Variants in MNAT1 observed in about 807,000 individuals in gnomAD.
The protein encoded by MNAT1 is CDK-activating kinase assembly factor MAT1.
Under a neutral mutation model 42.0 loss-of-function variants are expected in MNAT1, and 43 were observed. The ratio of observed to expected loss-of-function variants is 1.02; its 90% CI spans 0.80 to 1.32. The LOEUF is 1.32. Among genes scored for constraint, MNAT1 ranks in the 40% most tolerant of loss-of-function variants. The pLI, the probability that MNAT1 is intolerant of heterozygous loss-of-function variation, is 0.00. For synonymous variants in MNAT1, 118 were observed against 120.0 expected (o/e 0.98, Z 0.11); for missense variants, 306 against 350.4 (o/e 0.87, Z 1.01).
intron 7 of MNAT1, among the ~76,000 whole-genome samples, chr14:60,952,271 G>T (rs2036397453): frequency 6.6e-6 from 1 of 152,164 alleles, no homozygotes; most frequent in Non-Finnish European, 1.5e-5. Flanking sequence ...GGCCTTGAAT[G>T]GTAGGCTAAG....
chr14:60,798,198 C>A, intron 3 of MNAT1, 38 bp downstream of exon 3: 1 of 1,089,210 alleles, frequency 9.2e-7, no homozygotes, highest in Non-Finnish European at 1.4e-6. Context: ...CCTATAAGAC[C>A]ATGTGCTTTT....
intron 1 of MNAT1, among the ~76,000 whole-genome samples, chr14:60,769,185 G>T (rs1265732787): frequency 6.6e-6 from 1 of 151,690 alleles, no homozygotes; most frequent in Non-Finnish European, 1.5e-5. Context: ...TCATAGATTG[G>T]CCAGATATTG....
intron 7 of MNAT1, among the ~76,000 whole-genome samples, chr14:60,898,320 A>G (rs1420455941): frequency 1.3e-5 from 2 of 151,928 alleles, no homozygotes; most frequent in South Asian, 2.1e-4. Flanking sequence ...ATATAGTTCT[A>G]TTTTAATTTT....
intron 1 of MNAT1, among the ~76,000 whole-genome samples, chr14:60,769,813 G>GT (rs2030983902): frequency 6.6e-6 from 1 of 151,918 alleles, no homozygotes; most frequent in Non-Finnish European, 1.5e-5. Flanking sequence ...TACATGGCTA[G>GT]TTTTTAAAAT....
intron 7 of MNAT1, among the ~76,000 whole-genome samples, chr14:60,921,380 T>G (rs1386371713): frequency 6.6e-6 from 1 of 152,192 alleles, no homozygotes; most frequent in Non-Finnish European, 1.5e-5. Context: ...TTTGAAAATA[T>G]AAGCAAACAG....
chr14:60,924,248 T>G (rs2035720109), intron 7 of MNAT1, among the ~76,000 whole-genome samples: 2 of 152,124 alleles, frequency 1.3e-5, no homozygotes, highest in African/African-American at 4.8e-5. Context: ...TTTTTGTTTG[T>G]TTGTTTGCTT....
chr14:60,755,180 G>A (rs1399295047), intron 1 of MNAT1, among the ~76,000 whole-genome samples: 1 of 150,300 alleles, frequency 6.7e-6, no homozygotes, highest in Non-Finnish European at 1.5e-5. Context: ...TTTTTTTTTA[G>A]TTGCCCAGGC....
chr14:60,802,010 A>G lies in MNAT1; in HGVS notation c.316+3850A>G, dbSNP rs186243024. Among the ~76,000 whole-genome samples the G allele has an allele frequency of 4.6e-4, 70 of 152,340 alleles. 3 individuals carry two copies. The East Asian group carries it at 0.01, about 22-fold the overall frequency. ...CCTGGAGGACATTATGCTAAGTGAAATAAGTCAGTCACAGAAAGACAAATA... is the reference window on the plus strand; with the variant it reads ...CCTGGAGGACATTATGCTAAGTGAAGTAAGTCAGTCACAGAAAGACAAATA... On this transcript the variant is annotated intron_variant, in intron 3 of 7. Transcript: ENST00000261245.
intron 6 of MNAT1, among the ~76,000 whole-genome samples, chr14:60,836,495 C>T (rs2033393021): frequency 6.6e-6 from 1 of 152,224 alleles, no homozygotes; most frequent in Non-Finnish European, 1.5e-5. Context: ...AGACAAACCC[C>T]TCTGCTGCAG....
chr14:60,877,955 G>A (rs1237186096), intron 6 of MNAT1, among the ~76,000 whole-genome samples: 1 of 151,920 alleles, frequency 6.6e-6, no homozygotes, highest in Non-Finnish European at 1.5e-5. Context: ...ATACACATTT[G>A]GTAAGTTAGT....
At chr14:60,782,521 G>A (rs910452810) in intron 1 of MNAT1, among the ~76,000 whole-genome samples, 4 of 152,114 alleles carry the variant, frequency 2.6e-5, no homozygotes, top group African/African-American at 9.6e-5. Context: ...TCCTTTAACA[G>A]TTGTAATCCT....
At chr14:60,760,677 T>C (rs1287329587) in intron 1 of MNAT1, among the ~76,000 whole-genome samples, 1 of 152,222 alleles carries the variant, frequency 6.6e-6, no homozygotes, top group Non-Finnish European at 1.5e-5. Flanking sequence ...AAGCACTTTA[T>C]CCACCTCTTA....
chr14:60,939,442 C>G (rs774445263), intron 7 of MNAT1, among the ~76,000 whole-genome samples: 12 of 152,120 alleles, frequency 7.9e-5, no homozygotes, highest in African/African-American at 2.9e-4. Flanking sequence ...TCTCTGTTCT[C>G]GTTGGTTTCA....
chr14:60,930,468 T>C (rs2035863204), intron 7 of MNAT1, among the ~76,000 whole-genome samples: 1 of 152,110 alleles, frequency 6.6e-6, no homozygotes, highest in East Asian at 1.9e-4. Flanking sequence ...TTCTCCTTCC[T>C]TCTGAAGTAT....
chr14:60,751,817 GT>G (rs2030106608), intron 1 of MNAT1, among the ~76,000 whole-genome samples: 1 of 151,706 alleles, frequency 6.6e-6, no homozygotes, highest in South Asian at 2.1e-4. Flanking sequence ...ACCTCACTCA[GT>G]TTTTTTAGAA....
At chr14:60,964,018 A>C (rs957260530) in intron 7 of MNAT1, among the ~76,000 whole-genome samples, 4 of 152,200 alleles carry the variant, frequency 2.6e-5, no homozygotes, top group Admixed American at 2.6e-4. Context: ...GCTGAGTCCA[A>C]GACTTCAGCC....
At chr14:60,882,274 C>G (rs1048057284) in intron 7 of MNAT1, among the ~76,000 whole-genome samples, 9 of 152,084 alleles carry the variant, frequency 5.9e-5, no homozygotes, top group Non-Finnish European at 1.2e-4. Flanking sequence ...TGGTGACCTT[C>G]CTTCTACTCC....
chr14:60,850,081 C>A (rs1287003069), intron 6 of MNAT1, among the ~76,000 whole-genome samples: 1 of 152,158 alleles, frequency 6.6e-6, no homozygotes, highest in Non-Finnish European at 1.5e-5. Flanking sequence ...AGGTGATGCA[C>A]CTGCCTCAGC....
chr14:60,801,983 A>G (rs1404460719), intron 3 of MNAT1, among the ~76,000 whole-genome samples: 1 of 152,234 alleles, frequency 6.6e-6, no homozygotes, highest in East Asian at 1.9e-4. Flanking sequence ...AACGTGGATC[A>G]ACCTGGAGGA....
Sources: allele counts gnomAD v4.1 joint callset (sites outside exome capture counted in the v4.1 genomes callset), GRCh38; gene constraint gnomAD v4.1.1; transcripts MANE v1.5; gene names NCBI Gene and HGNC (gene_info 2026-07-23, HGNC 2026-07-21).